Variants in ADGRL2 observed in about 807,000 individuals in gnomAD.
The protein encoded by ADGRL2 is calcium-independent alpha-latrotoxin receptor 2.
A neutral mutation model predicts 157.4 loss-of-function variants in ADGRL2; 44 were observed. The observed-to-expected ratio is 0.28, with a 90% CI of 0.22 to 0.36. The LOEUF is 0.36. ADGRL2 is among the 10% of genes least tolerant of loss of function. ADGRL2 has a pLI of 1.00. For synonymous variants in ADGRL2, 585 were observed against 624.7 expected, an observed-to-expected ratio of 0.94 and a Z score of 0.95; for missense variants, 1,510 against 1,768.9, an observed-to-expected ratio of 0.85 and a Z score of 2.63.
chr1:81,668,353 A>C (rs1039681901), intron 3 of ADGRL2, among the ~76,000 whole-genome samples: 1 of 151,344 alleles, frequency 6.6e-6, no homozygotes. Flanking sequence ...TGAACCTGGG[A>C]GGCGGAAGTT....
intron 2 of ADGRL2, among the ~76,000 whole-genome samples, chr1:81,489,959 TAA>T (rs922102631): frequency 3.3e-5 from 5 of 152,048 alleles, no homozygotes; most frequent in Non-Finnish European, 5.9e-5. Context: ...AAGAAATACT[TAA>T]GAGAGTCTTC....
intron 1 of ADGRL2, among the ~76,000 whole-genome samples, chr1:81,814,058 A>C (rs529541921): frequency 6.6e-6 from 1 of 151,760 alleles, no homozygotes; most frequent in African/African-American, 2.4e-5. Flanking sequence ...AATCAAATTA[A>C]TTGTTCTCAT....
At chr1:81,777,104 G>C (rs2086618293) in intron 2 of ADGRL2, among the ~76,000 whole-genome samples, 1 of 151,988 alleles carries the variant, frequency 6.6e-6, no homozygotes, top group Non-Finnish European at 1.5e-5. Flanking sequence ...TACCATTCAG[G>C]CTGCTGACTC....
intron 2 of ADGRL2, among the ~76,000 whole-genome samples, chr1:81,886,059 A>G (rs2094121715): frequency 6.6e-6 from 1 of 152,216 alleles, no homozygotes; most frequent in South Asian, 2.1e-4. Flanking sequence ...CCTGGTTGTA[A>G]TAAGTGAATT....
At chr1:81,834,110 A>G (rs1476053772) in intron 1 of ADGRL2, among the ~76,000 whole-genome samples, 2 of 152,150 alleles carry the variant, frequency 1.3e-5, no homozygotes, top group African/African-American at 4.8e-5. Context: ...TTGTTTTACT[A>G]AGAAATGAAC....
At chr1:81,546,148 G>T (rs2080013235) in intron 2 of ADGRL2, among the ~76,000 whole-genome samples, 1 of 152,078 alleles carries the variant, frequency 6.6e-6, no homozygotes, top group African/African-American at 2.4e-5. Context: ...GGGGAAGAAA[G>T]AAAACTCTAA....
At chr1:81,755,171 G>C (rs1323411902) in intron 1 of ADGRL2, among the ~76,000 whole-genome samples, 2 of 137,130 alleles carry the variant, frequency 1.5e-5, no homozygotes, top group East Asian at 2.1e-4. Context: ...TATATTTAAA[G>C]ATATATATAG....
intron 1 of ADGRL2, among the ~76,000 whole-genome samples, chr1:81,712,323 C>T (rs1034549651): frequency 2.0e-5 from 3 of 152,164 alleles, no homozygotes; most frequent in African/African-American, 7.2e-5. Context: ...CTTTTGGGCT[C>T]TGAGTCCCAA....
At chr1:81,735,940 C>T (rs1365521983) in intron 1 of ADGRL2, among the ~76,000 whole-genome samples, 5 of 151,506 alleles carry the variant, frequency 3.3e-5, no homozygotes, top group African/African-American at 9.7e-5. Context: ...GTCAGGAGAT[C>T]GAGACCATCC....
intron 2 of ADGRL2, among the ~76,000 whole-genome samples, chr1:81,765,436 T>C (rs2086082475): frequency 6.6e-6 from 1 of 152,060 alleles, no homozygotes; most frequent in Non-Finnish European, 1.5e-5. Flanking sequence ...TATTTCTTTC[T>C]GATTTGTAAG....
chr1:81,399,728 C>A (rs771310745), intron 1 of ADGRL2, among the ~76,000 whole-genome samples: 22 of 152,116 alleles, frequency 1.4e-4, no homozygotes, highest in Non-Finnish European at 1.5e-4. Context: ...TTTCTTATAT[C>A]TTCTTGAGTT....
chr1:81,815,649 A>G (rs779172823), intron 1 of ADGRL2, among the ~76,000 whole-genome samples: 6 of 151,830 alleles, frequency 4.0e-5, no homozygotes, highest in Non-Finnish European at 8.9e-5. Flanking sequence ...TTGTACAAAT[A>G]GGGTGACATA....
At chr1:81,400,806 T>C (rs887445854) in intron 1 of ADGRL2, among the ~76,000 whole-genome samples, 1 of 152,058 alleles carries the variant, frequency 6.6e-6, no homozygotes, top group Non-Finnish European at 1.5e-5. Context: ...GTTCAGACTC[T>C]GGGAAGCGGG....
chr1:81,555,788 G>A (rs555584699), intron 2 of ADGRL2, among the ~76,000 whole-genome samples: 2 of 152,158 alleles, frequency 1.3e-5, no homozygotes, highest in East Asian at 3.9e-4. Flanking sequence ...AACGGAAAAT[G>A]TTTTCCCTCC....
intron 1 of ADGRL2, among the ~76,000 whole-genome samples, chr1:81,821,834 G>A (rs1571433125): frequency 2.0e-5 from 3 of 152,126 alleles, no homozygotes; most frequent in Admixed American, 2.0e-4. Flanking sequence ...ATATCTTTCT[G>A]TAAATGAGTT....
At chr1:81,518,550 T>G (rs2148143870) in intron 2 of ADGRL2, among the ~76,000 whole-genome samples, 1 of 152,332 alleles carries the variant, frequency 6.6e-6, no homozygotes, top group East Asian at 1.9e-4. Flanking sequence ...AAAGAGATGT[T>G]CATCCTCAAC....
intron 2 of ADGRL2, among the ~76,000 whole-genome samples, chr1:81,904,998 G>A (rs532073335): frequency 9.9e-5 from 15 of 152,052 alleles, no homozygotes; most frequent in African/African-American, 2.7e-4. Flanking sequence ...ATATTCGAAC[G>A]ATAGCAAGTA....
intron 2 of ADGRL2, chr1:81,580,772 T>A (rs561085090): frequency 3.3e-5 from 5 of 152,356 alleles, no homozygotes; most frequent in African/African-American, 1.2e-4. Flanking sequence ...TGCATTTTTC[T>A]TTGTGATTAC....
At chr1:81,684,113 C>A (rs2083180972) in intron 3 of ADGRL2, among the ~76,000 whole-genome samples, 1 of 152,142 alleles carries the variant, frequency 6.6e-6, no homozygotes, top group African/African-American at 2.4e-5. Flanking sequence ...CTGCGCCCGG[C>A]CAAATAATGA....
Sources: allele counts gnomAD v4.1 joint callset (sites outside exome capture counted in the v4.1 genomes callset), GRCh38; gene constraint gnomAD v4.1.1; transcripts MANE v1.5; gene names NCBI Gene and HGNC (gene_info 2026-07-23, HGNC 2026-07-21).